The following DENND1B variants were observed in gnomAD, a reference collection of about 807,000 sequenced individuals.
DENND1B encodes DENN domain-containing protein 1B.
Under a neutral mutation model 90.1 loss-of-function variants are expected in DENND1B, and 59 were observed. The observed-to-expected ratio is 0.65, with a 90% CI of 0.53 to 0.81. The LOEUF (loss-of-function observed/expected upper bound fraction) is 0.81. Ranked by LOEUF, DENND1B falls within the 40% of genes least tolerant of loss-of-function variation. The pLI is 0.00. For missense variants in DENND1B, 862 were observed against 912.6 expected, an observed-to-expected ratio of 0.94 and a Z score of 0.71; for synonymous variants, 337 against 324.6, an observed-to-expected ratio of 1.04 and a Z score of -0.41.
At chr1:197,572,560 G>C (rs1303731344) in intron 15 of DENND1B, among the ~76,000 whole-genome samples, 1 of 152,190 alleles carries the variant, frequency 6.6e-6, no homozygotes, top group Non-Finnish European at 1.5e-5. Flanking sequence ...AGGGAGCAGT[G>C]GTTCTCCCAG....
At chr1:197,693,582 A>C (rs925215813) in intron 3 of DENND1B, among the ~76,000 whole-genome samples, 5 of 151,724 alleles carry the variant, frequency 3.3e-5, no homozygotes, top group Non-Finnish European at 7.4e-5. Flanking sequence ...TATATCTAAT[A>C]AGTAATACCA....
chr1:197,610,327 T>C (rs1359558620), intron 12 of DENND1B, among the ~76,000 whole-genome samples: 1 of 150,658 alleles, frequency 6.6e-6, no homozygotes, highest in Non-Finnish European at 1.5e-5. Context: ...AAAACAGTAT[T>C]GGTTTTATTT....
intron 3 of DENND1B, among the ~76,000 whole-genome samples, chr1:197,688,052 A>T (rs1298586686): frequency 6.6e-6 from 1 of 152,148 alleles, no homozygotes; most frequent in African/African-American, 2.4e-5. Context: ...CAAATTAAGA[A>T]AACAATCTCA....
chr1:197,572,442 G>C (rs1053891516), intron 15 of DENND1B, among the ~76,000 whole-genome samples: 1 of 152,220 alleles, frequency 6.6e-6, no homozygotes, highest in Non-Finnish European at 1.5e-5. Context: ...GGCCACTGCA[G>C]CTCAGCAAGG....
chr1:197,648,893 T>G (rs1652782760), intron 7 of DENND1B, among the ~76,000 whole-genome samples: 1 of 152,216 alleles, frequency 6.6e-6, no homozygotes, highest in Non-Finnish European at 1.5e-5. Context: ...TGCTGCTGAC[T>G]CCCAAATTTG....
intron 10 of DENND1B, among the ~76,000 whole-genome samples, chr1:197,618,333 T>C (rs1677850123): frequency 6.6e-6 from 1 of 151,176 alleles, no homozygotes; most frequent in South Asian, 2.1e-4. Context: ...CACTGACACA[T>C]AGAATGTCAC....
rs1325123390 is a variant in DENND1B, at chr1:197,754,005, AC to A, written c.82+18862del. 3.9e-5 allele frequency among the ~76,000 whole-genome samples: 6 copies of A among 152,134 alleles called. No individual in the cohort carries two copies. The East Asian group carries it at 1.2e-3, about 29-fold the overall frequency. On this transcript the variant is annotated intron_variant, in intron 2 of 22. Transcript: ENST00000620048. ...CAGAGCAAGATTCTAAATCAAAAAA[AC>A]AATAAAATAAAATAAAATAAATAAA...
intron 20 of DENND1B, among the ~76,000 whole-genome samples, chr1:197,523,543 G>T (rs547550035): frequency 6.6e-6 from 1 of 152,248 alleles, no homozygotes; most frequent in South Asian, 2.1e-4. Context: ...CAAAAACATT[G>T]AAAGAAAAGC....
chr1:197,632,774 C>A (rs890479930), intron 10 of DENND1B, among the ~76,000 whole-genome samples: 1 of 152,084 alleles, frequency 6.6e-6, no homozygotes, highest in Non-Finnish European at 1.5e-5. Flanking sequence ...TTTTAAGATG[C>A]CACTTGGCTA....
rs775413372 is a variant in DENND1B at position 197,652,266 on chromosome 1, G to A, written c.416C>T (p.Pro139Leu). ...CAAATTTACAGGAGTATTTGCCTTT[G>A]GTACTGGGTGGTTATACAGTGATCT... The part of the protein sequence containing the change: ...TLRSLYNHPV[P>L]KANTPVNLSV... Residue 139 changes from proline to leucine, a missense_variant, in exon 7 of 23, where the codon CCA (proline) becomes CTA (leucine). Transcript: ENST00000620048. The A allele has an allele frequency of 2.5e-6, 4 of 1,610,738 alleles. No individual in the cohort carries two copies. Among genetic ancestry groups the A allele is most frequent in the Admixed American group, 1.7e-5 (1 of 59,400 alleles).
chr1:197,718,528 C>T (rs1358634306), intron 2 of DENND1B, among the ~76,000 whole-genome samples: 1 of 151,894 alleles, frequency 6.6e-6, no homozygotes, highest in Non-Finnish European at 1.5e-5. Context: ...AAAACAGGGT[C>T]TACCACTTAC....
intron 5 of DENND1B, among the ~76,000 whole-genome samples, chr1:197,665,141 C>A (rs1012867019): frequency 1.3e-5 from 2 of 151,966 alleles, no homozygotes; most frequent in African/African-American, 4.8e-5. Flanking sequence ...AATTAAATAT[C>A]AACTTTTGTA....
upstream of DENND1B, among the ~76,000 whole-genome samples, chr1:197,780,690 G>T (rs74383689): frequency 0.01 from 1,537 of 152,086 alleles, 24 homozygotes; most frequent in African/African-American, 0.034. Flanking sequence ...TCAATGCATT[G>T]CAAGCTTTTA....
chr1:197,757,218 C>G (rs530455042), intron 2 of DENND1B: 24 of 152,146 alleles, frequency 1.6e-4, no homozygotes, highest in African/African-American at 5.8e-4. Context: ...CATTTTAAGA[C>G]AAAGAAACAG....
intron 15 of DENND1B, among the ~76,000 whole-genome samples, chr1:197,572,258 G>A (rs556327728): frequency 1.3e-5 from 2 of 152,288 alleles, no homozygotes; most frequent in African/African-American, 4.8e-5. Flanking sequence ...CAGACCAGGA[G>A]AGTCTCTTCT....
chr1:197,718,853 C>T (rs1660888869), intron 2 of DENND1B, among the ~76,000 whole-genome samples: 1 of 152,004 alleles, frequency 6.6e-6, no homozygotes, highest in African/African-American at 2.4e-5. Context: ...AAGAGGGAGA[C>T]AATGTCTAGA....
At chr1:197,577,384 C>T (rs1673777831) in intron 15 of DENND1B, among the ~76,000 whole-genome samples, 1 of 152,070 alleles carries the variant, frequency 6.6e-6, no homozygotes, top group South Asian at 2.1e-4. Context: ...ACAGCCACCC[C>T]CCATACTCTT....
chr1:197,617,296 C>A (rs1024275005), intron 11 of DENND1B, among the ~76,000 whole-genome samples: 25 of 151,096 alleles, frequency 1.7e-4, no homozygotes, highest in African/African-American at 5.6e-4. Flanking sequence ...TGGTTGCTGG[C>A]AGATTTGCCA....
intron 10 of DENND1B, among the ~76,000 whole-genome samples, chr1:197,627,211 C>T (rs570213505): frequency 1.1e-4 from 17 of 152,108 alleles, no homozygotes; most frequent in Admixed American, 4.6e-4. Flanking sequence ...CAAAGCCGGG[C>T]AGAGACACAC....
Sources: gnomAD v4.1 joint callset for allele counts (sites outside exome capture counted in the v4.1 genomes callset) on GRCh38, gnomAD v4.1.1 for gene constraint, MANE v1.5 for transcripts, NCBI Gene and HGNC (gene_info 2026-07-23, HGNC 2026-07-21) for gene names.